The following LGR5 variants were observed in gnomAD, a reference collection of about 807,000 sequenced individuals.
The protein encoded by LGR5 is leucine-rich repeat-containing G protein-coupled receptor 5.
LGR5 carries 54 observed loss-of-function variants against 76.7 expected under a neutral mutation model. The observed-to-expected ratio is 0.70, with a 90% CI of 0.57 to 0.88. The LOEUF is 0.88. LGR5 is among the 40% of genes least tolerant of loss of function. LGR5 has a pLI of 0.00. For missense variants in LGR5, 1,078 were observed against 1,073.3 expected (o/e 1.00, Z -0.06); for synonymous variants, 406 against 421.9 (o/e 0.96, Z 0.46).
chr12:71,570,627 G>A (rs1269510278), intron 11 of LGR5, among the ~76,000 whole-genome samples: 1 of 152,062 alleles, frequency 6.6e-6, no homozygotes, highest in Non-Finnish European at 1.5e-5. Flanking sequence ...CCTTCAGAAA[G>A]TTACAAATTT....
At chr12:71,495,910 T>A (rs185812300) in intron 1 of LGR5, among the ~76,000 whole-genome samples, 1 of 152,246 alleles carries the variant, frequency 6.6e-6, no homozygotes, top group Non-Finnish European at 1.5e-5. Flanking sequence ...TTACTTCTAA[T>A]TCAAAGGTCA....
intron 3 of LGR5, among the ~76,000 whole-genome samples, chr12:71,530,067 A>G (rs1442652805): frequency 6.6e-6 from 1 of 152,070 alleles, no homozygotes; most frequent in Non-Finnish European, 1.5e-5. Flanking sequence ...TCATCTTACT[A>G]TAAATTACTT....
chr12:71,578,935 T>C lies in LGR5; in HGVS notation c.1406+6T>C, dbSNP rs1297795559. 1 of 1,594,912 alleles carries C rather than the reference T, an allele frequency of 6.3e-7. No homozygotes were observed. The highest frequency in any genetic ancestry group is 8.5e-7 in the Non-Finnish European group (1 of 1,172,282). On this transcript the variant is annotated splice_donor_region_variant and intron_variant, in intron 15 of 17. Transcript: ENST00000266674. ...GAAAACTTTCCAGAACTCAAGTGAG[T>C]TTGTCATTAAAACTAATAAGATACA... is the stretch of plus-strand genomic sequence containing the variant.
chr12:71,455,827 T>G (rs1244805256), intron 1 of LGR5, among the ~76,000 whole-genome samples: 1 of 152,196 alleles, frequency 6.6e-6, no homozygotes, highest in Admixed American at 6.5e-5. Context: ...GACAAACTAT[T>G]TGATAAATTA....
intron 1 of LGR5, among the ~76,000 whole-genome samples, chr12:71,475,581 C>T (rs1254628449): frequency 6.6e-6 from 1 of 152,068 alleles, no homozygotes; most frequent in East Asian, 1.9e-4. Flanking sequence ...AGCCTGCTCT[C>T]TTATGCTGCG....
At chr12:71,515,902 G>C (rs1267547269) in intron 2 of LGR5, among the ~76,000 whole-genome samples, 5 of 152,106 alleles carry the variant, frequency 3.3e-5, no homozygotes, top group Non-Finnish European at 7.4e-5. Context: ...TCCATAAGAA[G>C]ACTAGACTAC....
At chr12:71,464,647 G>A (rs984455663) in intron 1 of LGR5, among the ~76,000 whole-genome samples, 1 of 152,084 alleles carries the variant, frequency 6.6e-6, no homozygotes, top group Non-Finnish European at 1.5e-5. Context: ...AGACAGAAGG[G>A]AAATAATCGT....
intron 1 of LGR5, among the ~76,000 whole-genome samples, chr12:71,465,053 C>T (rs796134477): frequency 6.6e-6 from 1 of 152,110 alleles, no homozygotes. Flanking sequence ...TACCTTCAGA[C>T]CGACCAGTTA....
At position 71,583,856 on chromosome 12, in the gene LGR5, G is replaced by T. The variant is rs1260140489; in HGVS notation, c.1846G>T (p.Val616Leu). The change falls in exon 18 of 18, where the codon GTG becomes TTG. Residue 616 changes from valine to leucine, a missense_variant. Transcript: ENST00000266674. ...AGTCTCCAGTGCCGTGCTGGCTGGT[G>T]TGGATGCGTTCACTTTTGGCAGCTT... ...TGVSSAVLAGVDAFTFGSFAR... is the reference protein window; with the variant it reads ...TGVSSAVLAGLDAFTFGSFAR... 6.2e-7 allele frequency: 1 copy of T among 1,614,168 alleles called. No individual in the cohort carries two copies. Among genetic ancestry groups the T allele is most frequent in the South Asian group, 1.1e-5 (1 of 91,078 alleles).
At chr12:71,549,961 T>C (rs1330689668) in intron 4 of LGR5, among the ~76,000 whole-genome samples, 1 of 152,158 alleles carries the variant, frequency 6.6e-6, no homozygotes, top group African/African-American at 2.4e-5. Context: ...GAAACGTGAT[T>C]CATAAAAGAT....
At chr12:71,534,956 A>G (rs574147048) in intron 3 of LGR5, among the ~76,000 whole-genome samples, 159 bp from the exon 4 acceptor site, 1 of 152,174 alleles carries the variant, frequency 6.6e-6, no homozygotes, top group East Asian at 1.9e-4. Context: ...GTTCATCTTT[A>G]ATTATCTTCA....
intron 2 of LGR5, among the ~76,000 whole-genome samples, chr12:71,519,653 AAAAAAC>A (rs869084759): frequency 6.7e-6 from 1 of 149,990 alleles, no homozygotes; most frequent in African/African-American, 2.5e-5. Flanking sequence ...AACAAAAAAC[AAAAAAC>A]AAAAAAAACC....
intron 4 of LGR5, among the ~76,000 whole-genome samples, chr12:71,551,229 A>G (rs1341839975): frequency 6.6e-6 from 1 of 152,224 alleles, no homozygotes; most frequent in Non-Finnish European, 1.5e-5. Flanking sequence ...CTTCCCATTC[A>G]GTCTGTAGAA....
At chr12:71,455,676 G>A (rs990091513) in intron 1 of LGR5, among the ~76,000 whole-genome samples, 52 of 152,136 alleles carry the variant, frequency 3.4e-4, no homozygotes, top group Non-Finnish European at 1.5e-4. Flanking sequence ...GAGAAAGCTA[G>A]CAGGCTTGAC....
chr12:71,584,639 ACT>A lies in LGR5; in HGVS notation c.2630_2631del (p.Thr877IlefsTer2). The A allele has an allele frequency of 6.2e-7, 1 of 1,614,174 alleles. No individual in the cohort carries two copies. The highest frequency in any genetic ancestry group is 1.1e-5 in the South Asian group (1 of 91,088). On this transcript the variant is annotated frameshift_variant, in exon 18 of 18. Transcript: ENST00000266674. LOFTEE classifies it high-confidence loss of function. ...ALVTFTSSSI[T>X]YDLPPSSVPS... ...GGTAACCTTTACCAGCTCCAGCATC[ACT>A]TATGACCTGCCTCCCAGTTCCGTGC...
intron 1 of LGR5, among the ~76,000 whole-genome samples, chr12:71,491,709 G>GT (rs1307863035): frequency 2.0e-5 from 3 of 150,604 alleles, no homozygotes; most frequent in African/African-American, 7.4e-5. Context: ...GTGTATTGCT[G>GT]TTTTTTCCAA....
rs1015876148 is a variant in LGR5 at position 71,583,784 on chromosome 12, A to C, written c.1774A>C (p.Ile592Leu). The C allele has an allele frequency of 6.2e-7, 1 of 1,613,886 alleles. No individual in the cohort carries two copies. The highest frequency in any genetic ancestry group is 1.3e-5 in the African/African-American group (1 of 74,856). ...CAGATCCCCTCTGTACATTTCCCCC[A>C]TTAAACTGTTAATTGGGGTCATCGC... ...VFRSPLYISPIKLLIGVIAAV... is the reference protein window; with the variant it reads ...VFRSPLYISPLKLLIGVIAAV... Residue 592 changes from isoleucine to leucine, a missense_variant, in exon 18 of 18, where the codon ATT (isoleucine) becomes CTT (leucine). Transcript: ENST00000266674.
chr12:71,439,710 T>G (rs1341919017), upstream of LGR5: 5 of 216,998 alleles, frequency 2.3e-5, no homozygotes, highest in Non-Finnish European at 9.1e-6. Context: ...GGGCGGGGGG[T>G]GCCTGGGAAG....
At chr12:71,460,783 T>C (rs1872657259) in intron 1 of LGR5, among the ~76,000 whole-genome samples, 1 of 152,104 alleles carries the variant, frequency 6.6e-6, no homozygotes. Flanking sequence ...GTGACTTCCA[T>C]TTCATCCCGC....
Sources: gnomAD v4.1 joint callset for allele counts (sites outside exome capture counted in the v4.1 genomes callset) on GRCh38, gnomAD v4.1.1 for gene constraint, MANE v1.5 for transcripts, NCBI Gene and HGNC (gene_info 2026-07-23, HGNC 2026-07-21) for gene names.